The following LRRTM4 variants were observed in gnomAD, a reference collection of about 807,000 sequenced individuals.
LRRTM4 encodes the protein leucine-rich repeat transmembrane neuronal protein 4.
In LRRTM4, 25 loss-of-function variants were observed where a neutral mutation model predicts 47.6. That is an observed-to-expected ratio of 0.53 (90% CI 0.38 to 0.73). The LOEUF (loss-of-function observed/expected upper bound fraction) is 0.73, where lower values mean the gene tolerates loss of function less well. Among genes scored for constraint, LRRTM4 ranks in the 30% least tolerant of loss-of-function variants. LRRTM4 has a pLI of 0.00. For synonymous variants in LRRTM4, 311 were observed against 269.5 expected (o/e 1.15, Z -1.51); for missense variants, 638 against 713.4 (o/e 0.89, Z 1.20).
At position 76,789,009 on chromosome 2, in the gene LRRTM4, A is replaced by G. The variant is rs529770112; in HGVS notation, c.1552-40093T>C. The stretch of plus-strand genomic sequence containing the variant: ...ACATAAAACTTACACTGAGTTAAAC[A>G]GCTAATGCTTGGCACCCTGCTTCTC... On this transcript the variant is annotated intron_variant, in intron 3 of 3. Transcript: ENST00000409884. 3.9e-5 allele frequency among the ~76,000 whole-genome samples: 6 copies of G among 152,344 alleles called. No individual in the cohort carries two copies. The South Asian group carries it at 1.2e-3, about 32-fold the overall frequency.
At chr2:77,209,513 G>A (rs1295934856) in intron 3 of LRRTM4, among the ~76,000 whole-genome samples, 1 of 152,012 alleles carries the variant, frequency 6.6e-6, no homozygotes, top group Non-Finnish European at 1.5e-5. Context: ...CAGTAGTGGG[G>A]TCAATGTCCT....
At chr2:77,230,400 T>G (rs1042207866) in intron 3 of LRRTM4, among the ~76,000 whole-genome samples, 2 of 152,094 alleles carry the variant, frequency 1.3e-5, no homozygotes, top group Non-Finnish European at 2.9e-5. Context: ...GAGAAAAAGA[T>G]ATAGAGATAA....
intron 3 of LRRTM4, among the ~76,000 whole-genome samples, chr2:77,047,672 T>G (rs1344794599): frequency 6.6e-6 from 1 of 152,076 alleles, no homozygotes; most frequent in Non-Finnish European, 1.5e-5. Flanking sequence ...CCTACTCCAG[T>G]GTCACTTCCC....
At chr2:77,225,318 C>T (rs1558642514) in intron 3 of LRRTM4, among the ~76,000 whole-genome samples, 1 of 149,208 alleles carries the variant, frequency 6.7e-6, no homozygotes, top group South Asian at 2.1e-4. Context: ...ACATATGTAA[C>T]AAACCTGCAC....
rs533550102 is a variant in LRRTM4 at position 77,272,014 on chromosome 2, T to C, written c.1551+246304A>G. ...TGCCCAAAATGTCCTATCCCTTTCC[T>C]ATGGTTTTTTGCTTGGTTAATTCTT... On this transcript the variant is annotated intron_variant, in intron 3 of 3. Coordinates refer to ENST00000409884, the MANE Select transcript of LRRTM4 (RefSeq NM_001134745.3). Among the ~76,000 whole-genome samples, 4 of 151,660 alleles carry C rather than the reference T, an allele frequency of 2.6e-5. No homozygotes were observed. The East Asian group carries it at 7.7e-4, about 29-fold the overall frequency.
At chr2:77,025,323 C>G (rs2104116590) in intron 3 of LRRTM4, among the ~76,000 whole-genome samples, 1 of 152,228 alleles carries the variant, frequency 6.6e-6, no homozygotes, top group South Asian at 2.1e-4. Flanking sequence ...ATCACAATAT[C>G]TGATCTTTCC....
chr2:77,476,592 T>C (rs1677397875), intron 3 of LRRTM4, among the ~76,000 whole-genome samples: 1 of 152,084 alleles, frequency 6.6e-6, no homozygotes, highest in Non-Finnish European at 1.5e-5. Flanking sequence ...AAAGCTAAAC[T>C]CAAAGCCAAA....
chr2:76,830,244 C>A (rs567127514), intron 3 of LRRTM4, among the ~76,000 whole-genome samples: 6 of 152,110 alleles, frequency 3.9e-5, no homozygotes, highest in South Asian at 2.1e-4. Context: ...TCAAAGTATT[C>A]ACAGTTCAAT....
intron 3 of LRRTM4, among the ~76,000 whole-genome samples, chr2:77,460,945 C>A (rs1676764122): frequency 6.6e-6 from 1 of 151,880 alleles, no homozygotes; most frequent in Admixed American, 6.6e-5. Flanking sequence ...CTAATATTTA[C>A]CCGCATTAGA....
chr2:76,787,515 A>G lies in LRRTM4; in HGVS notation c.1552-38599T>C, dbSNP rs573422441. On this transcript the variant is annotated intron_variant, in intron 3 of 3. Coordinates refer to ENST00000409884, the MANE Select transcript of LRRTM4 (RefSeq NM_001134745.3). ...TAACTGGGTGTTCAGCTCAAAATGG[A>G]GAGTGGAGGTTAAAAACAGGGAAAG... is the stretch of plus-strand genomic sequence containing the variant. Among the ~76,000 whole-genome samples, 13 of 152,194 alleles carry G rather than the reference A, an allele frequency of 8.5e-5. No homozygotes were observed. In the East Asian group the frequency reaches 2.5e-3, roughly 29 times the overall value.
chr2:76,853,056 T>C (rs753447667), intron 3 of LRRTM4, among the ~76,000 whole-genome samples: 1 of 152,182 alleles, frequency 6.6e-6, no homozygotes, highest in Non-Finnish European at 1.5e-5. Flanking sequence ...ACTTTATAAC[T>C]TGGTACCTGT....
At chr2:76,808,464 T>C (rs1670629497) in intron 3 of LRRTM4, among the ~76,000 whole-genome samples, 1 of 149,248 alleles carries the variant, frequency 6.7e-6, no homozygotes, top group Non-Finnish European at 1.5e-5. Context: ...AAAGAATACA[T>C]AGACCTATAA....
chr2:77,388,203 T>C (rs1173235635), intron 3 of LRRTM4, among the ~76,000 whole-genome samples: 1 of 151,806 alleles, frequency 6.6e-6, no homozygotes, highest in Non-Finnish European at 1.5e-5. Context: ...CGAACAGTTA[T>C]TTAGGTTCTA....
intron 3 of LRRTM4, among the ~76,000 whole-genome samples, chr2:77,389,070 C>T (rs996716570): frequency 2.0e-5 from 3 of 151,962 alleles, no homozygotes; most frequent in Non-Finnish European, 2.9e-5. Context: ...AGTGTATTCA[C>T]AGGTATTTTA....
In LRRTM4 at chr2:77,207,372, T is replaced by TACACACAC. The variant is rs66858623; in HGVS notation, c.1551+310938_1551+310945dup. Among the ~76,000 whole-genome samples, 407 of 130,896 alleles carry TACACACAC rather than the reference T, an allele frequency of 3.1e-3. 1 individual carries two copies. Among genetic ancestry groups the TACACACAC allele is most frequent in the African/African-American group, 9.7e-3 (299 of 30,912 alleles). 85.9% of individuals were successfully genotyped at this position (130,896 alleles called of 152,430 possible). On this transcript the variant is annotated intron_variant, in intron 3 of 3. Transcript: ENST00000409884. The stretch of plus-strand genomic sequence containing the variant: ...GTGTATATATATATATATATATATA[T>TACACACAC]ACACACACACATATTTATATACACA...
rs145081024 is a variant in LRRTM4 at position 77,039,128 on chromosome 2, A to G, written c.1552-290212T>C. Among the ~76,000 whole-genome samples, 758 of 151,430 alleles carry G rather than the reference A, an allele frequency of 5.0e-3. 11 individuals carry two copies. The highest frequency in any genetic ancestry group is 0.018 in the African/African-American group (733 of 41,464). On this transcript the variant is annotated intron_variant, in intron 3 of 3. Transcript: ENST00000409884. ...AGGGAAGTAATTAATTTATAAAATG[A>G]TAAGAAAAAATAAGATATTACATAC...
chr2:77,343,687 G>A (rs1270319944), intron 3 of LRRTM4, among the ~76,000 whole-genome samples: 1 of 152,018 alleles, frequency 6.6e-6, no homozygotes, highest in African/African-American at 2.4e-5. Context: ...TGTTTATGAA[G>A]CACCTACTCT....
At chr2:77,136,119 G>A (rs1047292105) in intron 3 of LRRTM4, among the ~76,000 whole-genome samples, 2 of 152,114 alleles carry the variant, frequency 1.3e-5, no homozygotes, top group Non-Finnish European at 2.9e-5. Flanking sequence ...ACTGAGCTTT[G>A]AAGAGAGTAG....
chr2:77,393,284 C>T (rs566724637), intron 3 of LRRTM4, among the ~76,000 whole-genome samples: 29 of 152,004 alleles, frequency 1.9e-4, no homozygotes, highest in East Asian at 7.8e-4. Flanking sequence ...AACCCTCCCA[C>T]GGCATAGAGT....
Sources: allele counts gnomAD v4.1 joint callset (sites outside exome capture counted in the v4.1 genomes callset), GRCh38; gene constraint gnomAD v4.1.1; transcripts MANE v1.5; gene names NCBI Gene and HGNC (gene_info 2026-07-23, HGNC 2026-07-21).